ITGA11: variants seen among roughly 807,000 people sequenced by gnomAD.
ITGA11 encodes integrin alpha-11.
ITGA11 carries 97 observed loss-of-function variants against 141.9 expected under a neutral mutation model. The ratio of observed to expected loss-of-function variants is 0.68; its 90% CI spans 0.58 to 0.81. The LOEUF (loss-of-function observed/expected upper bound fraction) is 0.81, where lower values mean the gene tolerates loss of function less well. Ranked by LOEUF, ITGA11 falls within the 30% of genes least tolerant of loss-of-function variation. The pLI, the probability that ITGA11 is intolerant of heterozygous loss-of-function variation, is 0.00. For synonymous variants in ITGA11, 658 were observed against 624.6 expected, an observed-to-expected ratio of 1.05 and a Z score of -0.80; for missense variants, 1,387 against 1,559.2, an observed-to-expected ratio of 0.89 and a Z score of 1.86.
At chr15:68,383,010 G>A (rs187514243) in intron 2 of ITGA11, among the ~76,000 whole-genome samples, 145 of 152,278 alleles carry the variant, frequency 9.5e-4, no homozygotes, top group Non-Finnish European at 1.7e-3. Flanking sequence ...GGTGGCTCAC[G>A]CCTGTAATCT....
At chr15:68,369,903 G>T (rs1034459307) in intron 2 of ITGA11, among the ~76,000 whole-genome samples, 1 of 152,202 alleles carries the variant, frequency 6.6e-6, no homozygotes, top group Non-Finnish European at 1.5e-5. Flanking sequence ...TAAGGTTCTT[G>T]GGTTGAGATC....
Position 68,331,083 on chromosome 15 carries a change from C to T in ITGA11, c.1799G>A (p.Gly600Asp), listed in dbSNP as rs755073877. The change falls in exon 15 of 30, where the codon GGC becomes GAC. Residue 600 changes from glycine to aspartate, a missense_variant. Physicochemically the swap from Gly to Asp is moderately conservative, Grantham distance 94 (BLOSUM62 -1). Transcript: ENST00000315757. ...GATGCTGCAGCCAAAATACTGGAGG[C>T]CGGTAGCCAGCTCTGAGGCTGTGAT... ...QRITASELAT[G>D]LQYFGCSIHG... The T allele has an allele frequency of 1.2e-6, 2 of 1,604,078 alleles. No individual in the cohort carries two copies. Among genetic ancestry groups the T allele is most frequent in the East Asian group, 4.5e-5 (2 of 44,500 alleles).
At chr15:68,424,583 C>A (rs1479611608) in intron 1 of ITGA11, among the ~76,000 whole-genome samples, 1 of 152,198 alleles carries the variant, frequency 6.6e-6, no homozygotes, top group Non-Finnish European at 1.5e-5. Flanking sequence ...GGATGGAGGA[C>A]CACTGGATCT....
intron 2 of ITGA11, among the ~76,000 whole-genome samples, chr15:68,397,534 TTTAAAATATTATA>T (rs1896334523): frequency 9.1e-5 from 5 of 55,230 alleles, no homozygotes; most frequent in Non-Finnish European, 1.4e-4. Flanking sequence ...TTATAAAATA[TTTAAAATATTATA>T]TTTAAAATAT....
At chr15:68,346,231 C>T (rs77235370) in intron 10 of ITGA11, among the ~76,000 whole-genome samples, 5 of 152,032 alleles carry the variant, frequency 3.3e-5, no homozygotes, top group East Asian at 1.9e-4. Context: ...TTGACGTGAC[C>T]GAAGTCTTGT....
rs532268190 is a variant in ITGA11 at position 68,333,956 on chromosome 15, C to T, written c.1426-1478G>A. Among the ~76,000 whole-genome samples, 23 of 152,348 alleles carry T rather than the reference C, an allele frequency of 1.5e-4. No individual in the cohort carries two copies. Among genetic ancestry groups the T allele is most frequent in the Middle Eastern group, 6.8e-3 (2 of 294 alleles). On this transcript the variant is annotated intron_variant, in intron 12 of 29. Transcript: ENST00000315757. This position sits in a 1 kb window ranked among gnomAD's most constrained non-coding sequence, Gnocchi z 4.2. ...AAGCTTTTCTCTTGCATGCACTCCCCGCCCCTGCGTCCTCCCCAGACCATC... is the reference window on the plus strand; with the variant it reads ...AAGCTTTTCTCTTGCATGCACTCCCTGCCCCTGCGTCCTCCCCAGACCATC...
At position 68,296,893 on chromosome 15, in the gene ITGA11, T is replaced by C. The variant is rs184847853; in HGVS notation, c.*6166A>G. Reference sequence around the variant, plus strand: ...TGGCTTCCCTTCCCTTCTTTCTCCTTCTCTTCTTTGGTTTAAAATGTTGAT... The same window carrying C: ...TGGCTTCCCTTCCCTTCTTTCTCCTCCTCTTCTTTGGTTTAAAATGTTGAT... On this transcript the variant is annotated 3_prime_UTR_variant, in exon 30 of 30. Coordinates refer to ENST00000315757, the MANE Select transcript of ITGA11 (RefSeq NM_001004439.2). 7 of 152,094 alleles carry C rather than the reference T, an allele frequency of 4.6e-5. No individual in the cohort carries two copies. In the East Asian group the frequency reaches 1.4e-3, roughly 29 times the overall value. 9.4% of individuals were successfully genotyped at this position (152,094 alleles called of 1,614,324 possible). A position where few individuals can be genotyped will look rare whatever the true frequency, so the allele number is the denominator to read the frequency against.
intron 5 of ITGA11, 74 bp downstream of exon 5, chr15:68,361,513 GGTT>G: frequency 5.4e-6 from 5 of 927,896 alleles, no homozygotes; most frequent in Admixed American, 2.0e-5. Context: ...TCTAGCCACA[GGTT>G]GTTGTGCTCA....
intron 24 of ITGA11, 34 bp from the exon 25 acceptor site, chr15:68,311,437 C>T (rs966871686): frequency 1.4e-6 from 2 of 1,440,496 alleles, no homozygotes; most frequent in African/African-American, 2.8e-5. Flanking sequence ...TCAGTACAGT[C>T]AGTTGAGGGG....
chr15:68,405,564 C>T (rs960160134), intron 1 of ITGA11, among the ~76,000 whole-genome samples: 1 of 152,152 alleles, frequency 6.6e-6, no homozygotes, highest in African/African-American at 2.4e-5. Context: ...AAATCCCATG[C>T]CATAAATGAA....
intron 11 of ITGA11, among the ~76,000 whole-genome samples, chr15:68,338,526 T>C (rs1894447653): frequency 6.6e-6 from 1 of 152,226 alleles, no homozygotes; most frequent in Admixed American, 6.5e-5. Context: ...CTTCTAGGGA[T>C]CTACATTTCT....
Position 68,307,641 on chromosome 15 carries a change from T to C in ITGA11, c.3230A>G (p.Asn1077Ser), listed in dbSNP as rs1051432462. The C allele has an allele frequency of 2.5e-6, 4 of 1,613,864 alleles. No homozygotes were observed. Among genetic ancestry groups the C allele is most frequent in the African/African-American group, 1.3e-5 (1 of 75,034 alleles). Residue 1077 changes from asparagine (N) to serine (S), a missense_variant, in exon 27 of 30, where the codon AAC (asparagine) becomes AGC (serine). Physicochemically the swap from Asn to Ser is conservative, Grantham distance 46 (BLOSUM62 1). Transcript: ENST00000315757. The surrounding 1 kb of genome is among the most constrained non-coding windows in gnomAD (Gnocchi z 6.1). ...CAGTAGATGGAAATTGATTTCCTGG[T>C]TGGGGACCAGCCGTATATTGCAGTT... ...SINCNIRLVP[N>S]QEINFHLLGN...
intron 9 of ITGA11, among the ~76,000 whole-genome samples, chr15:68,350,110 A>G (rs1282563290): frequency 4.6e-5 from 7 of 152,230 alleles, no homozygotes; most frequent in Non-Finnish European, 8.8e-5. Flanking sequence ...ACATTAGCAA[A>G]GCAACCTTTC....
intron 2 of ITGA11, among the ~76,000 whole-genome samples, chr15:68,389,573 T>C (rs909391657): frequency 1.7e-4 from 26 of 152,238 alleles, no homozygotes; most frequent in African/African-American, 6.3e-4. Context: ...GGAGTCTCAG[T>C]TGCTTTGCCT....
rs2140262393 is a variant in ITGA11, at chr15:68,305,575, AC to A, written c.3382-1691del. On this transcript the variant is annotated intron_variant, in intron 28 of 29. Coordinates refer to ENST00000315757, the MANE Select transcript of ITGA11 (RefSeq NM_001004439.2). This position sits in a 1 kb window ranked among gnomAD's most constrained non-coding sequence, Gnocchi z 4.6. ...CAGAGCCATGTGGAGTGAATGGACC[AC>A]CTGCAACAGCAGACAGAGCCCTCCT... Among the ~76,000 whole-genome samples the A allele has an allele frequency of 6.6e-6, 1 of 152,248 alleles. No homozygotes were observed. Among genetic ancestry groups the A allele is most frequent in the South Asian group, 2.1e-4 (1 of 4,822 alleles).
At chr15:68,404,494 G>A (rs140175920) in intron 1 of ITGA11, among the ~76,000 whole-genome samples, 1 of 152,282 alleles carries the variant, frequency 6.6e-6, no homozygotes, top group Non-Finnish European at 1.5e-5. Flanking sequence ...CAACAAAATA[G>A]CACCTCACAT....
At chr15:68,357,083 A>G in intron 7 of ITGA11, 68 bp downstream of exon 7, 1 of 1,426,460 alleles carries the variant, frequency 7.0e-7, no homozygotes, top group African/African-American at 1.4e-5. Context: ...AGTGTGTTAC[A>G]AGGCAATAGA....
intron 10 of ITGA11, among the ~76,000 whole-genome samples, chr15:68,341,101 C>A (rs967709196): frequency 6.6e-6 from 1 of 152,208 alleles, no homozygotes; most frequent in South Asian, 2.1e-4. Context: ...CAAATCCTAA[C>A]CCTCCAGAGG....
Position 68,321,386 on chromosome 15 carries a change from G to C in ITGA11, c.2408+32C>G. ...GAGCCTCTGGCAGTGAAGGGGAAGG[G>C]GCGAGGGTGGGGGTGGAAGGAGCCA... On this transcript the variant is annotated intron_variant, in intron 19 of 29. Coordinates refer to ENST00000315757, the MANE Select transcript of ITGA11 (RefSeq NM_001004439.2). The surrounding 1 kb of genome is among the most constrained non-coding windows in gnomAD (Gnocchi z 4.9). 2 of 1,437,228 alleles carry C rather than the reference G, an allele frequency of 1.4e-6. No homozygotes were observed. The highest frequency in any genetic ancestry group is 1.9e-6 in the Non-Finnish European group (2 of 1,055,550). The allele number at this position is 1,437,228 out of a possible 1,614,324, so 89.0% of individuals were successfully genotyped here. A position where few individuals can be genotyped will look rare whatever the true frequency, so the allele number is the denominator to read the frequency against.
Sources: gnomAD v4.1 joint callset for allele counts (sites outside exome capture counted in the v4.1 genomes callset) on GRCh38, gnomAD v4.1.1 for gene constraint, Gnocchi (gnomAD v3.1) non-coding constraint, MANE v1.5 for transcripts, NCBI Gene and HGNC (gene_info 2026-07-23, HGNC 2026-07-21) for gene names.